Variants in MAP2K5 observed in about 807,000 individuals in gnomAD.
The protein encoded by MAP2K5 is mitogen-activated protein kinase kinase 5.
Under a neutral mutation model 83.1 loss-of-function variants are expected in MAP2K5, and 49 were observed. The ratio of observed to expected loss-of-function variants is 0.59; its 90% CI spans 0.47 to 0.75. The LOEUF is 0.75. MAP2K5 is among the 30% of genes least tolerant of loss of function. MAP2K5 has a pLI of 0.00. For synonymous variants in MAP2K5, 202 were observed against 191.8 expected (o/e 1.05, Z -0.44); for missense variants, 457 against 557.5 (o/e 0.82, Z 1.82).
At position 67,595,524 on chromosome 15, in the gene MAP2K5, G is replaced by A. The variant is rs569526563; in HGVS notation, c.480+2550G>A. ...ATTTTTATTTTAATGATTTATAAGC[G>A]ATAGGTACTGATTCTTCTTAACACA... On this transcript the variant is annotated intron_variant, in intron 7 of 21. Transcript: ENST00000178640. 1.4e-4 allele frequency among the ~76,000 whole-genome samples: 22 copies of A among 152,218 alleles called. 2 individuals are homozygous for A. Among genetic ancestry groups the A allele is most frequent in the Admixed American group, 1.3e-3 (20 of 15,286 alleles).
Position 67,644,886 on chromosome 15 carries a change from C to A in MAP2K5, c.586-1345C>A, listed in dbSNP as rs965285202. ...ATTTTTGGCTGGGCATGGTGGCTTA[C>A]GCTTGTAATCCCAGAACTTTGGGAG... is the stretch of plus-strand genomic sequence containing the variant. On this transcript the variant is annotated intron_variant, in intron 9 of 21. Coordinates refer to ENST00000178640, the MANE Select transcript of MAP2K5 (RefSeq NM_145160.3). This position sits in a 1 kb window ranked among gnomAD's most constrained non-coding sequence, Gnocchi z 4.6. 6.6e-6 allele frequency among the ~76,000 whole-genome samples: 1 copy of A among 152,050 alleles called. No individual in the cohort carries two copies. Among genetic ancestry groups the A allele is most frequent in the Non-Finnish European group, 1.5e-5 (1 of 68,012 alleles).
intron 12 of MAP2K5, among the ~76,000 whole-genome samples, chr15:67,663,742 G>T (rs1038882846): frequency 6.6e-6 from 1 of 152,066 alleles, no homozygotes. Context: ...GGGTATGGTG[G>T]TGTGCACCTG....
In MAP2K5 at chr15:67,572,331, C is replaced by T. The variant is rs1021007797; in HGVS notation, c.253-8423C>T. On this transcript the variant is annotated intron_variant, in intron 3 of 21. Transcript: ENST00000178640. This position sits in a 1 kb window ranked among gnomAD's most constrained non-coding sequence, Gnocchi z 4.2. Reference sequence around the variant, plus strand: ...GCCCAGGGAAGTGACATGATCATATCTCATATTGTCAGAGGCATTTGAGCC... The same window carrying T: ...GCCCAGGGAAGTGACATGATCATATTTCATATTGTCAGAGGCATTTGAGCC... Among the ~76,000 whole-genome samples the T allele has an allele frequency of 2.0e-5, 3 of 152,244 alleles. No homozygotes were observed. Among genetic ancestry groups the T allele is most frequent in the East Asian group, 3.9e-4 (2 of 5,174 alleles).
In MAP2K5 at chr15:67,640,638, C is replaced by T. The variant is rs941579842; in HGVS notation, c.586-5593C>T. The T allele has an allele frequency of 5.2e-6, 5 of 967,072 alleles. No individual in the cohort carries two copies. In the East Asian group the frequency reaches 3.4e-4, roughly 66 times the overall value. The allele number at this position is 967,072 out of a possible 1,614,324, so 59.9% of individuals were successfully genotyped here. On this transcript the variant is annotated intron_variant, in intron 9 of 21. Transcript: ENST00000178640. This position sits in a 1 kb window ranked among gnomAD's most constrained non-coding sequence, Gnocchi z 4.6. Reference sequence around the variant, plus strand: ...CAAGCAAAGTGGTCAGTTGGACCCACACTTTGAATGTCTATGGGCACAATT... The same window carrying T: ...CAAGCAAAGTGGTCAGTTGGACCCATACTTTGAATGTCTATGGGCACAATT...
chr15:67,799,591 A>G (rs192860170), intron 21 of MAP2K5, among the ~76,000 whole-genome samples: 72 of 152,364 alleles, frequency 4.7e-4, no homozygotes, highest in Admixed American at 4.2e-3. Context: ...ACAAATCTGG[A>G]TTGGAGGATG....
At chr15:67,687,277 A>G (rs773608614) in intron 13 of MAP2K5, among the ~76,000 whole-genome samples, 2 of 152,222 alleles carry the variant, frequency 1.3e-5, no homozygotes, top group Non-Finnish European at 2.9e-5. Flanking sequence ...TTCTGGTTCA[A>G]TAAGTCTGGA....
rs919992104 is a variant in MAP2K5, at chr15:67,640,274, T to C, written c.586-5957T>C. 4.6e-5 allele frequency among the ~76,000 whole-genome samples: 7 copies of C among 152,250 alleles called. No individual in the cohort carries two copies. Among genetic ancestry groups the C allele is most frequent in the African/African-American group, 1.4e-4 (6 of 41,474 alleles). On this transcript the variant is annotated intron_variant, in intron 9 of 21. Coordinates refer to ENST00000178640, the MANE Select transcript of MAP2K5 (RefSeq NM_145160.3). This position sits in a 1 kb window ranked among gnomAD's most constrained non-coding sequence, Gnocchi z 4.6. Reference sequence around the variant, plus strand: ...TCTTTAGTTCATTCATCTTTTAAAGTAACATCTTGAAAGCAGGTTCAGCTC... The same window carrying C: ...TCTTTAGTTCATTCATCTTTTAAAGCAACATCTTGAAAGCAGGTTCAGCTC...
At chr15:67,705,234 T>C (rs1046972625) in intron 16 of MAP2K5, among the ~76,000 whole-genome samples, 54 of 152,190 alleles carry the variant, frequency 3.5e-4, no homozygotes, top group Non-Finnish European at 1.8e-4. Context: ...TATTCATCCT[T>C]TCTACATTCA....
In MAP2K5 at chr15:67,552,074, G is replaced by A. The variant is rs1325519208; in HGVS notation, c.184+1992G>A. 1.3e-5 allele frequency among the ~76,000 whole-genome samples: 2 copies of A among 151,386 alleles called. No homozygotes were observed. The highest frequency in any genetic ancestry group is 1.9e-4 in the East Asian group (1 of 5,164). On this transcript the variant is annotated intron_variant, in intron 2 of 21. Transcript: ENST00000178640. This position sits in a 1 kb window ranked among gnomAD's most constrained non-coding sequence, Gnocchi z 4.2. ...GACTTGGGGCCTGAGGCTTGGGTTG[G>A]TGGGGGCGGGAGGGGGTGGATGAAT...
intron 3 of MAP2K5, among the ~76,000 whole-genome samples, chr15:67,571,413 T>C (rs2084944704): frequency 6.6e-6 from 1 of 152,146 alleles, no homozygotes; most frequent in Admixed American, 6.5e-5. Flanking sequence ...ACTGTAGTAA[T>C]TGAGGGGAAG....
intron 7 of MAP2K5, among the ~76,000 whole-genome samples, chr15:67,600,136 C>T (rs571025174): frequency 6.6e-6 from 1 of 152,140 alleles, no homozygotes; most frequent in East Asian, 1.9e-4. Flanking sequence ...TGATTTCTGC[C>T]TAATTATTGC....
At position 67,786,812 on chromosome 15, in the gene MAP2K5, A is replaced by G. The variant is rs2090426901; in HGVS notation, c.1242+14060A>G. On this transcript the variant is annotated intron_variant, in intron 21 of 21. Coordinates refer to ENST00000178640, the MANE Select transcript of MAP2K5 (RefSeq NM_145160.3). This position sits in a 1 kb window ranked among gnomAD's most constrained non-coding sequence, Gnocchi z 4.7. Reference sequence around the variant, plus strand: ...TTTAAGTGAGATAAAAATGTTAGACACTTAGCACAGTGTCTGGCATAAAAT... The same window carrying G: ...TTTAAGTGAGATAAAAATGTTAGACGCTTAGCACAGTGTCTGGCATAAAAT... Among the ~76,000 whole-genome samples, 1 of 152,248 alleles carries G rather than the reference A, an allele frequency of 6.6e-6. No homozygotes were observed. Among genetic ancestry groups the G allele is most frequent in the Non-Finnish European group, 1.5e-5 (1 of 68,048 alleles).
rs1259155877 is a variant in MAP2K5, at chr15:67,770,187, A to C, written c.1196+524A>C. On this transcript the variant is annotated intron_variant, in intron 20 of 21. Coordinates refer to ENST00000178640, the MANE Select transcript of MAP2K5 (RefSeq NM_145160.3). This position sits in a 1 kb window ranked among gnomAD's most constrained non-coding sequence, Gnocchi z 5.0. ...GAAGACTATGAAAACAGTTCAGCCC[A>C]CTTTAACCCTTAAAGAACTGAGAGG... Among the ~76,000 whole-genome samples the C allele has an allele frequency of 5.9e-5, 9 of 152,198 alleles. No homozygotes were observed. Among genetic ancestry groups the C allele is most frequent in the Admixed American group, 5.9e-4 (9 of 15,282 alleles).
Position 67,757,257 on chromosome 15 carries a change from A to G in MAP2K5, c.1134+8656A>G, listed in dbSNP as rs1215247542. On this transcript the variant is annotated intron_variant, in intron 19 of 21. Transcript: ENST00000178640. This position sits in a 1 kb window ranked among gnomAD's most constrained non-coding sequence, Gnocchi z 4.9. Reference sequence around the variant, plus strand: ...AGCCATCCTAACAAAATGTGAGGTGACATTTCATTGTGGTTTTTATTTGCA... The same window carrying G: ...AGCCATCCTAACAAAATGTGAGGTGGCATTTCATTGTGGTTTTTATTTGCA... 6.6e-6 allele frequency among the ~76,000 whole-genome samples: 1 copy of G among 152,178 alleles called. No individual in the cohort carries two copies. The highest frequency in any genetic ancestry group is 1.5e-5 in the Non-Finnish European group (1 of 68,012).
intron 12 of MAP2K5, among the ~76,000 whole-genome samples, chr15:67,660,952 T>C (rs1347959075): frequency 6.6e-6 from 1 of 152,030 alleles, no homozygotes; most frequent in African/African-American, 2.4e-5. Flanking sequence ...GAGAGAATAG[T>C]GGAGCAACAC....
At chr15:67,633,140 C>T (rs2086513891) in intron 9 of MAP2K5, among the ~76,000 whole-genome samples, 1 of 152,216 alleles carries the variant, frequency 6.6e-6, no homozygotes, top group African/African-American at 2.4e-5. Flanking sequence ...CCTTGGTTCT[C>T]ACTGAGTGTG....
chr15:67,679,131 GA>G (rs1479954386), intron 13 of MAP2K5, among the ~76,000 whole-genome samples: 2 of 152,166 alleles, frequency 1.3e-5, no homozygotes, highest in East Asian at 3.9e-4. Flanking sequence ...CTCCCACCCT[GA>G]CCCCTGATTG....
intron 13 of MAP2K5, among the ~76,000 whole-genome samples, chr15:67,669,877 G>A (rs1450500339): frequency 6.6e-6 from 1 of 152,080 alleles, no homozygotes; most frequent in Non-Finnish European, 1.5e-5. Flanking sequence ...ATATAAAATG[G>A]TACAGCTGCT....
At chr15:67,608,055 T>G (rs939240582) in intron 8 of MAP2K5, among the ~76,000 whole-genome samples, 1 of 152,208 alleles carries the variant, frequency 6.6e-6, no homozygotes, top group Non-Finnish European at 1.5e-5. Flanking sequence ...TAGTAACAAT[T>G]TTTTATTTAT....
Sources: gnomAD v4.1 joint callset for allele counts (sites outside exome capture counted in the v4.1 genomes callset) on GRCh38, gnomAD v4.1.1 for gene constraint, Gnocchi (gnomAD v3.1) non-coding constraint, MANE v1.5 for transcripts, NCBI Gene and HGNC (gene_info 2026-07-23, HGNC 2026-07-21) for gene names.